The following TSPAN7 variants were observed in gnomAD, a reference collection of about 807,000 sequenced individuals.
The protein encoded by TSPAN7 is tetraspanin-7.
A neutral mutation model predicts 17.6 loss-of-function variants in TSPAN7; 1 was observed. That is an observed-to-expected ratio of 0.06 (90% CI 0.02 to 0.27). TSPAN7 has a LOEUF of 0.27. Among genes scored for constraint, TSPAN7 ranks in the 10% least tolerant of loss-of-function variants. The probability of loss-of-function intolerance (pLI) is 1.00; values close to 1 mark genes in which losing one functional copy is unlikely to be tolerated. For synonymous variants in TSPAN7, 78 were observed against 79.0 expected, an observed-to-expected ratio of 0.99 and a Z score of 0.07; for missense variants, 112 against 201.7, an observed-to-expected ratio of 0.56 and a Z score of 2.69.
At chrX:38,626,149 G>C (rs1457355005) in intron 1 of TSPAN7, among the ~76,000 whole-genome samples, 1 of 111,817 alleles carries the variant, frequency 8.9e-6, no homozygotes, top group Non-Finnish European at 1.9e-5. Flanking sequence ...AAAAATGAGA[G>C]GGCTGTGGTC....
chrX:38,656,553 G>A (rs1480770863), intron 1 of TSPAN7, among the ~76,000 whole-genome samples: 1 of 111,387 alleles, frequency 9.0e-6, no homozygotes, highest in Admixed American at 9.6e-5. Context: ...GATAAAGGAG[G>A]TGGGGCATAC....
intron 1 of TSPAN7, among the ~76,000 whole-genome samples, chrX:38,575,146 A>G (rs1192063020): frequency 9.0e-6 from 1 of 110,925 alleles, no homozygotes; most frequent in East Asian, 2.8e-4. Context: ...GTAACCAGCA[A>G]GCAACTGAAT....
chrX:38,659,823 C>CTTTTT (rs748922281), intron 1 of TSPAN7, among the ~76,000 whole-genome samples: 12 of 61,577 alleles, frequency 1.9e-4, no homozygotes, highest in African/African-American at 2.6e-4. Context: ...TTTTCTTTTT[C>CTTTTT]TTTTTTTTTT....
intron 1 of TSPAN7, among the ~76,000 whole-genome samples, chrX:38,571,150 A>T (rs990080507): frequency 2.7e-5 from 3 of 111,128 alleles, no homozygotes; most frequent in African/African-American, 9.8e-5. Context: ...ATATAGTGGG[A>T]TTTTCCCATC....
At chrX:38,658,583 T>C (rs938871326) in intron 1 of TSPAN7, among the ~76,000 whole-genome samples, 1 of 111,788 alleles carries the variant, frequency 8.9e-6, no homozygotes. Flanking sequence ...GTTTTGCGTC[T>C]CTTTGCTGTC....
chrX:38,638,222 T>TA (rs1455025182), intron 1 of TSPAN7, among the ~76,000 whole-genome samples: 1 of 112,209 alleles, frequency 8.9e-6, no homozygotes, highest in Non-Finnish European at 1.9e-5. Context: ...TGCCCATTTT[T>TA]AAAAAATTGA....
intron 1 of TSPAN7, among the ~76,000 whole-genome samples, chrX:38,605,664 T>G (rs1441199642): frequency 9.2e-6 from 1 of 108,807 alleles, no homozygotes; most frequent in African/African-American, 3.4e-5. Context: ...CAAACTATAC[T>G]ACAAGGCTAC....
intron 1 of TSPAN7, among the ~76,000 whole-genome samples, chrX:38,654,730 ATGAATAG>A (rs1447473014): frequency 1.5e-4 from 5 of 34,193 alleles, no homozygotes; most frequent in Admixed American, 4.8e-4. Context: ...CATGAATAGG[ATGAATAG>A]GACAAAAATC....
intron 1 of TSPAN7, among the ~76,000 whole-genome samples, chrX:38,654,026 G>A (rs1335849779): frequency 8.9e-6 from 1 of 111,998 alleles, no homozygotes; most frequent in East Asian, 2.8e-4. Context: ...GATGGACGAT[G>A]CTGGCTTATG....
intron 1 of TSPAN7, among the ~76,000 whole-genome samples, chrX:38,566,740 C>CTA (rs1023959499): frequency 9.0e-5 from 10 of 110,997 alleles, no homozygotes; most frequent in African/African-American, 2.9e-4. Context: ...AGATCTTGCC[C>CTA]TATATATATA....
intron 1 of TSPAN7, among the ~76,000 whole-genome samples, chrX:38,603,531 G>A (rs2069358392): frequency 9.0e-6 from 1 of 111,621 alleles, no homozygotes; most frequent in Non-Finnish European, 1.9e-5. Flanking sequence ...ACTGATAAAT[G>A]GATAAATAAA....
At chrX:38,604,414 T>C (rs1365454380) in intron 1 of TSPAN7, among the ~76,000 whole-genome samples, 1 of 109,242 alleles carries the variant, frequency 9.2e-6, no homozygotes, top group East Asian at 2.9e-4. Flanking sequence ...GGTCAAATGG[T>C]ATTTCTAGTT....
At chrX:38,561,724 A>C in intron 1 of TSPAN7, 97 bp downstream of exon 1, 2 of 761,049 alleles carry the variant, frequency 2.6e-6, no homozygotes, top group Non-Finnish European at 1.9e-6. Flanking sequence ...CCAAACCAAA[A>C]ATCAAATCTG....
At chrX:38,595,937 C>T (rs2069316767) in intron 1 of TSPAN7, among the ~76,000 whole-genome samples, 1 of 111,224 alleles carries the variant, frequency 9.0e-6, no homozygotes, top group Non-Finnish European at 1.9e-5. Context: ...GACTAACGTT[C>T]CTCTGAATTA....
chrX:38,611,711 C>T (rs2069419552), intron 1 of TSPAN7, among the ~76,000 whole-genome samples: 1 of 111,782 alleles, frequency 8.9e-6, no homozygotes, highest in Admixed American at 9.5e-5. Context: ...CTCTTTGTAA[C>T]ATAATCTGTG....
chrX:38,599,413 C>T (rs2069333915), intron 1 of TSPAN7, among the ~76,000 whole-genome samples: 1 of 111,267 alleles, frequency 9.0e-6, no homozygotes, highest in African/African-American at 3.3e-5. Context: ...GGGGAGCCTC[C>T]ACCCCTTTAT....
At chrX:38,650,692 G>GT (rs1361957345) in intron 1 of TSPAN7, among the ~76,000 whole-genome samples, 2 of 112,352 alleles carry the variant, frequency 1.8e-5, no homozygotes, top group African/African-American at 6.5e-5. Flanking sequence ...AAAATAAGTT[G>GT]TTTTGGTGAC....
chrX:38,615,079 GC>G (rs112138041), intron 1 of TSPAN7, among the ~76,000 whole-genome samples: 6 of 110,837 alleles, frequency 5.4e-5, no homozygotes, highest in African/African-American at 2.0e-4. Context: ...CTAAAGAGCT[GC>G]CTATAGCCTT....
chrX:38,683,428 G>A (rs1333196787), intron 6 of TSPAN7, among the ~76,000 whole-genome samples: 3 of 112,900 alleles, frequency 2.7e-5, no homozygotes, highest in East Asian at 2.8e-4. Flanking sequence ...GTAAGAGAGC[G>A]GCTTTGGCCT....
Sources: allele counts gnomAD v4.1 joint callset (sites outside exome capture counted in the v4.1 genomes callset), GRCh38; gene constraint gnomAD v4.1.1; transcripts MANE v1.5; gene names NCBI Gene and HGNC (gene_info 2026-07-23, HGNC 2026-07-21).